Variants in NAALADL2 observed in about 807,000 individuals in gnomAD.
The protein encoded by NAALADL2 is N-acetylated alpha-linked acidic dipeptidase like 2, also known as inactive N-acetylated-alpha-linked acidic dipeptidase-like protein 2.
In NAALADL2, 76 loss-of-function variants were observed where a neutral mutation model predicts 87.2. The observed-to-expected ratio is 0.87, with a 90% CI of 0.72 to 1.05. The LOEUF (loss-of-function observed/expected upper bound fraction) is 1.05, where lower values mean the gene tolerates loss of function less well. NAALADL2 is among the 50% of genes least tolerant of loss of function. The pLI is 0.00. For synonymous variants in NAALADL2, 354 were observed against 331.0 expected (o/e 1.07, Z -0.75); for missense variants, 1,089 against 945.8 (o/e 1.15, Z -1.99).
At chr3:175,376,743 A>G (rs1767172401) in intron 5 of NAALADL2, among the ~76,000 whole-genome samples, 1 of 152,154 alleles carries the variant, frequency 6.6e-6, no homozygotes, top group East Asian at 1.9e-4. Context: ...CTAAGTTTAC[A>G]TATATTGGAT....
In NAALADL2 at chr3:175,658,004, A is replaced by T. The variant is rs562299993; in HGVS notation, c.1896+30618A>T. 5.7e-3 allele frequency among the ~76,000 whole-genome samples: 864 copies of T among 151,976 alleles called. 20 individuals carry two copies. The highest frequency in any genetic ancestry group is 0.038 in the Admixed American group (581 of 15,248). On this transcript the variant is annotated intron_variant, in intron 11 of 13. Transcript: ENST00000454872. ...GAAAAAAGAATATGTATATATATAT[A>T]ATATATACATATGTATGCATACACA...
At chr3:175,454,632 G>C (rs1297066299) in intron 6 of NAALADL2, among the ~76,000 whole-genome samples, 1 of 151,994 alleles carries the variant, frequency 6.6e-6, no homozygotes, top group African/African-American at 2.4e-5. Flanking sequence ...ATTTACCTGG[G>C]TTCCCATCAC....
At chr3:175,642,778 G>C (rs1729478246) in intron 11 of NAALADL2, among the ~76,000 whole-genome samples, 1 of 152,140 alleles carries the variant, frequency 6.6e-6, no homozygotes. Context: ...GGGATTACAG[G>C]TGTAAGCCAC....
intron 10 of NAALADL2, among the ~76,000 whole-genome samples, chr3:175,603,546 T>G (rs1723247228): frequency 6.6e-6 from 1 of 152,184 alleles, no homozygotes; most frequent in African/African-American, 2.4e-5. Flanking sequence ...TCCAGGTACC[T>G]CATGTAAGTG....
intron 9 of NAALADL2, among the ~76,000 whole-genome samples, chr3:175,574,164 T>G (rs1431114026): frequency 6.6e-6 from 1 of 152,200 alleles, no homozygotes; most frequent in African/African-American, 2.4e-5. Flanking sequence ...CCACATATTT[T>G]CAAGTCTTTT....
intron 11 of NAALADL2, among the ~76,000 whole-genome samples, chr3:175,706,864 T>A (rs1307636951): frequency 1.3e-5 from 2 of 152,124 alleles, no homozygotes; most frequent in Non-Finnish European, 1.5e-5. Context: ...AGTATTTAGC[T>A]ACTTTTATCC....
At chr3:175,085,690 C>T (rs1007851435) in intron 1 of NAALADL2, among the ~76,000 whole-genome samples, 4 of 151,942 alleles carry the variant, frequency 2.6e-5, no homozygotes, top group Non-Finnish European at 4.4e-5. Context: ...TTTGGGAGGC[C>T]TAGCAGATCA....
chr3:175,772,527 G>C (rs1345416613), intron 13 of NAALADL2, among the ~76,000 whole-genome samples: 1 of 152,122 alleles, frequency 6.6e-6, no homozygotes, highest in Non-Finnish European at 1.5e-5. Flanking sequence ...TCTAGTAGTA[G>C]AAGTTAGCAC....
chr3:174,876,716 T>C (rs1728553334), intron 1 of NAALADL2, among the ~76,000 whole-genome samples: 2 of 152,184 alleles, frequency 1.3e-5, no homozygotes, highest in African/African-American at 2.4e-5. Context: ...TGATTTATTA[T>C]CCTTGTCTGT....
At chr3:174,905,450 A>C (rs557146092) in intron 1 of NAALADL2, among the ~76,000 whole-genome samples, 1 of 151,982 alleles carries the variant, frequency 6.6e-6, no homozygotes, top group African/African-American at 2.4e-5. Flanking sequence ...ATATTCGTAA[A>C]GTTAAATTGG....
At chr3:174,672,648 A>G (rs1371600910) in intron 2 of NAALADL2, among the ~76,000 whole-genome samples, 1 of 152,106 alleles carries the variant, frequency 6.6e-6, no homozygotes, top group Non-Finnish European at 1.5e-5. Context: ...TTTATAGAAG[A>G]TAGGCTAAGA....
intron 11 of NAALADL2, among the ~76,000 whole-genome samples, chr3:175,708,472 T>C (rs893899453): frequency 6.6e-6 from 1 of 152,038 alleles, no homozygotes; most frequent in Non-Finnish European, 1.5e-5. Flanking sequence ...GTTATTTGAT[T>C]CATTTAAAAA....
chr3:174,917,050 A>C (rs1734515446), intron 1 of NAALADL2, among the ~76,000 whole-genome samples: 1 of 152,090 alleles, frequency 6.6e-6, no homozygotes, highest in Admixed American at 6.6e-5. Context: ...TTCTCATTGG[A>C]AACTTTATTT....
At chr3:175,448,436 G>T (rs1009768610) in intron 6 of NAALADL2, among the ~76,000 whole-genome samples, 2 of 152,138 alleles carry the variant, frequency 1.3e-5, no homozygotes, top group African/African-American at 4.8e-5. Context: ...GTTGTAAGAG[G>T]CACTGGACTT....
At chr3:175,743,640 G>A (rs936242137) in intron 12 of NAALADL2, among the ~76,000 whole-genome samples, 1 of 152,212 alleles carries the variant, frequency 6.6e-6, no homozygotes, top group African/African-American at 2.4e-5. Flanking sequence ...ATAAAGTGAG[G>A]TTACGAAAGG....
intron 9 of NAALADL2, among the ~76,000 whole-genome samples, chr3:175,524,802 G>C (rs956955721): frequency 6.6e-6 from 1 of 152,112 alleles, no homozygotes; most frequent in Non-Finnish European, 1.5e-5. Context: ...TAACAAGTGA[G>C]ACATCTTGTT....
intron 4 of NAALADL2, among the ~76,000 whole-genome samples, chr3:175,261,549 C>CA (rs1404704098): frequency 1.3e-5 from 2 of 151,898 alleles, no homozygotes; most frequent in Non-Finnish European, 2.9e-5. Context: ...TTAAATTACA[C>CA]AAAAAATCCA....
chr3:175,102,207 T>C (rs1722333156), intron 2 of NAALADL2, among the ~76,000 whole-genome samples: 1 of 152,216 alleles, frequency 6.6e-6, no homozygotes, highest in South Asian at 2.1e-4. Flanking sequence ...TAAACATTCT[T>C]GTACATAAAT....
At chr3:174,933,149 T>C (rs1213117841) in intron 1 of NAALADL2, among the ~76,000 whole-genome samples, 2 of 152,186 alleles carry the variant, frequency 1.3e-5, no homozygotes, top group African/African-American at 4.8e-5. Context: ...AAAGACTATC[T>C]GCCTGTTGAC....
Sources: allele counts gnomAD v4.1 joint callset (sites outside exome capture counted in the v4.1 genomes callset), GRCh38; gene constraint gnomAD v4.1.1; transcripts MANE v1.5; gene names NCBI Gene and HGNC (gene_info 2026-07-23, HGNC 2026-07-21).